MYO15B: variants seen among roughly 807,000 people sequenced by gnomAD.
MYO15B encodes myosin XVB.
MYO15B carries 207 observed loss-of-function variants against 119.3 expected under a neutral mutation model. The ratio of observed to expected loss-of-function variants is 1.73; its 90% CI spans 1.55 to 1.95. The LOEUF (loss-of-function observed/expected upper bound fraction) is 1.95, where lower values mean the gene tolerates loss of function less well. Among genes scored for constraint, MYO15B ranks in the 30% most tolerant of loss-of-function variants. The pLI, the probability that MYO15B is intolerant of heterozygous loss-of-function variation, is 0.00. For synonymous variants in MYO15B, 966 were observed against 498.9 expected, an observed-to-expected ratio of 1.94 and a Z score of -12.48; for missense variants, 2,264 against 1,203.1, an observed-to-expected ratio of 1.88 and a Z score of -13.04.
chr17:75,619,429 G>A (rs747601966), exon 45 of MYO15B: 66 of 702,678 alleles, frequency 9.4e-5, no homozygotes, highest in South Asian at 8.0e-4. Flanking sequence ...CGTGGTGGCC[G>A]CTCGGGACAA....
At chr17:75,624,010 A>C in exon 55 of MYO15B, 1 of 702,970 alleles carries the variant, frequency 1.4e-6, no homozygotes, top group Admixed American at 2.0e-5. Context: ...CCCCCCGTCG[A>C]CCAGGCTGAT....
At chr17:75,601,378 C>A in intron 14 of MYO15B, 60 bp from the exon 15 acceptor site, 1 of 691,036 alleles carries the variant, frequency 1.4e-6, no homozygotes, top group South Asian at 1.5e-5. Flanking sequence ...CGGGAGAGGG[C>A]GCCATCCAGA....
intron 19 of MYO15B, among the ~76,000 whole-genome samples, chr17:75,603,876 A>G (rs1265577871): frequency 6.6e-6 from 1 of 152,130 alleles, no homozygotes; most frequent in Non-Finnish European, 1.5e-5. Context: ...CATCTTGGGA[A>G]TCCTCTGAAG....
intron 14 of MYO15B, among the ~76,000 whole-genome samples, chr17:75,598,710 C>G (rs79381956): frequency 3.0e-4 from 45 of 151,840 alleles, no homozygotes; most frequent in Non-Finnish European, 2.2e-4. Flanking sequence ...AATACTTATA[C>G]GTATGTAAAG....
chr17:75,614,393 T>C, intron 30 of MYO15B, 33 bp downstream of exon 30: 1 of 695,684 alleles, frequency 1.4e-6, no homozygotes, highest in South Asian at 1.5e-5. Context: ...CTCCCTGGCC[T>C]GCTCCTGCCG....
At position 75,595,019 on chromosome 17, in the gene MYO15B, C is replaced by T. The variant is rs759279626; in HGVS notation, c.3297+47C>T. ...CAGGAAAGGGGGCACCCATATAATT[C>T]CGATGGATTTCTGGGACCCCCACAG... On this transcript the variant is annotated intron_variant, in intron 12 of 63. Coordinates refer to ENST00000645453, the Ensembl canonical transcript of MYO15B. 6 of 695,290 alleles carry T rather than the reference C, an allele frequency of 8.6e-6. No homozygotes were observed. The South Asian group carries it at 9.0e-5, about 10-fold the overall frequency. The allele number at this position is 695,290 out of a possible 1,614,324, so 43.1% of individuals were successfully genotyped here. A position where few individuals can be genotyped will look rare whatever the true frequency, so the allele number is the denominator to read the frequency against.
intron 60 of MYO15B, 79 bp from the exon 61 acceptor site, chr17:75,625,448 T>C (rs560924201): frequency 1.5e-6 from 1 of 688,218 alleles, no homozygotes; most frequent in African/African-American, 1.7e-5. Flanking sequence ...CAATAGGCAC[T>C]GGTTATTTGG....
At position 75,605,915 on chromosome 17, in the gene MYO15B, C is replaced by T; in HGVS notation, c.4186C>T (p.Gln1396Ter). ...GCGGCTGGAGGAGCTCCGGGACCAG[C>T]AGCGCTCCCAGGCCCTGGTCGACCT... The change falls in exon 21 of 64, where the codon CAG becomes TAG. Residue 1396 changes from glutamine to a stop codon, truncating the protein, a stop_gained. Coordinates refer to ENST00000645453, the Ensembl canonical transcript of MYO15B. LOFTEE classifies it high-confidence loss of function. The T allele has an allele frequency of 1.4e-6, 1 of 702,212 alleles. No homozygotes were observed. Among genetic ancestry groups the T allele is most frequent in the Non-Finnish European group, 2.6e-6 (1 of 384,642 alleles). The allele number at this position is 702,212 out of a possible 1,614,324, so 43.5% of individuals were successfully genotyped here.
At chr17:75,615,192 G>T in intron 33 of MYO15B, 48 bp from the exon 34 acceptor site, 1 of 688,290 alleles carries the variant, frequency 1.5e-6, no homozygotes, top group South Asian at 1.5e-5. Context: ...GGAGGGAGGT[G>T]GCATGTGGGC....
chr17:75,603,795 C>T (rs1260793041), intron 19 of MYO15B, among the ~76,000 whole-genome samples: 1 of 152,232 alleles, frequency 6.6e-6, no homozygotes, highest in East Asian at 1.9e-4. Context: ...GTTCAGAAAC[C>T]TCCAAGAAAA....
rs1170424422 is a variant in MYO15B, at chr17:75,613,275, C to T, written c.4968-18C>T. 6.0e-6 allele frequency: 4 copies of T among 667,892 alleles called. No individual in the cohort carries two copies. Among genetic ancestry groups the T allele is most frequent in the South Asian group, 4.7e-5 (3 of 63,546 alleles). 41.4% of individuals were successfully genotyped at this position (667,892 alleles called of 1,614,324 possible). A position where few individuals can be genotyped will look rare whatever the true frequency, so the allele number is the denominator to read the frequency against. ...CTGGATCACCCTGCCTCCACTGCAGCCTGTGCCCGCCCTGCAGGTTCGTGT... is the reference window on the plus strand; with the variant it reads ...CTGGATCACCCTGCCTCCACTGCAGTCTGTGCCCGCCCTGCAGGTTCGTGT... On this transcript the variant is annotated intron_variant, in intron 27 of 63. Transcript: ENST00000645453.
chr17:75,600,430 C>CTT (rs11295393), intron 14 of MYO15B, among the ~76,000 whole-genome samples: 30 of 145,998 alleles, frequency 2.1e-4, no homozygotes, highest in East Asian at 4.0e-4. Flanking sequence ...ATCCCCATTT[C>CTT]TTTTTTTTTT....
chr17:75,604,017 C>G (rs953251480), intron 19 of MYO15B, among the ~76,000 whole-genome samples: 7 of 152,176 alleles, frequency 4.6e-5, no homozygotes, highest in African/African-American at 1.7e-4. Context: ...AGCCTCACCC[C>G]AGGGCTCTGT....
At chr17:75,588,477 C>T in exon 1 of MYO15B, 1 of 398,432 alleles carries the variant, frequency 2.5e-6, no homozygotes. Context: ...GGCGGGGCCG[C>T]CGGACGCCCA....
chr17:75,614,172 C>G (rs1436177561), intron 29 of MYO15B, 27 bp from the exon 30 acceptor site: 5 of 699,556 alleles, frequency 7.1e-6, no homozygotes, highest in Admixed American at 6.0e-5. Context: ...GGCCGCCTGC[C>G]TCACTGACTG....
At position 75,592,418 on chromosome 17, in the gene MYO15B, T is replaced by A. The variant is rs192553429; in HGVS notation, c.2716-10T>A. 5 of 644,396 alleles carry A rather than the reference T, an allele frequency of 7.8e-6. No individual in the cohort carries two copies. In the African/African-American group the frequency reaches 9.1e-5, roughly 12 times the overall value. 39.9% of individuals were successfully genotyped at this position (644,396 alleles called of 1,614,324 possible). ...GGGCACTGAGCCCCTAAGCCAGTCC[T>A]GTCCCCAAGGCCCAGGCTGAGCGGA... On this transcript the variant is annotated splice_polypyrimidine_tract_variant and intron_variant, in intron 7 of 63. Coordinates refer to ENST00000645453, the Ensembl canonical transcript of MYO15B.
chr17:75,607,934 A>G (rs1443810480), intron 21 of MYO15B, among the ~76,000 whole-genome samples: 1 of 152,184 alleles, frequency 6.6e-6, no homozygotes, highest in Non-Finnish European at 1.5e-5. Flanking sequence ...CAGTTTCTCT[A>G]CATCCTTGCC....
chr17:75,619,954 G>A (rs1200737968), exon 47 of MYO15B: 6 of 702,766 alleles, frequency 8.5e-6, no homozygotes, highest in Non-Finnish European at 1.6e-5. Context: ...AGCAGCTGGT[G>A]CTGCACACAG....
intron 10 of MYO15B, 31 bp downstream of exon 10, chr17:75,594,619 T>TG (rs1474588782): frequency 1.4e-6 from 1 of 691,868 alleles, no homozygotes; most frequent in Admixed American, 2.0e-5. Context: ...GAGAGGGGCC[T>TG]GGCCTGGCTG....
Sources: allele counts gnomAD v4.1 joint callset (sites outside exome capture counted in the v4.1 genomes callset), GRCh38; gene constraint gnomAD v4.1.1; transcripts MANE v1.5; gene names NCBI Gene and HGNC (gene_info 2026-07-23, HGNC 2026-07-21).